Variants in DDX52 observed in about 807,000 individuals in gnomAD.
DDX52 encodes the protein probable ATP-dependent RNA helicase DDX52.
A neutral mutation model predicts 76.1 loss-of-function variants in DDX52; 59 were observed. The ratio of observed to expected loss-of-function variants is 0.78; its 90% CI spans 0.63 to 0.96. The LOEUF (loss-of-function observed/expected upper bound fraction) is 0.96, where lower values mean the gene tolerates loss of function less well. Ranked by LOEUF, DDX52 falls within the 40% of genes least tolerant of loss-of-function variation. The pLI is 0.00. For missense variants in DDX52, 707 were observed against 703.9 expected (o/e 1.00, Z -0.05); for synonymous variants, 231 against 244.1 (o/e 0.95, Z 0.50).
intron 14 of DDX52, among the ~76,000 whole-genome samples, chr17:37,616,083 C>T (rs1036947294): frequency 1.3e-5 from 2 of 152,156 alleles, no homozygotes; most frequent in African/African-American, 2.4e-5. Context: ...TCAACATAGC[C>T]ACCATCTTAT....
At position 37,618,989 on chromosome 17, in the gene DDX52, G is replaced by A. The variant is rs575113901; in HGVS notation, c.1650-605C>T. The stretch of plus-strand genomic sequence containing the variant: ...TCAACAAGCATCAGAGTTTGATTTT[G>A]ATCAATTAAGTTTTTTACCAGCTTT... On this transcript the variant is annotated intron_variant, in intron 13 of 14. Transcript: ENST00000617633. 1.1e-4 allele frequency among the ~76,000 whole-genome samples: 17 copies of A among 152,330 alleles called. No homozygotes were observed. The East Asian group carries it at 3.3e-3, about 29-fold the overall frequency.
chr17:37,618,232 T>C (rs2029895102), intron 14 of DDX52, 60 bp downstream of exon 14: 2 of 1,331,334 alleles, frequency 1.5e-6, no homozygotes. Context: ...TAAGGAAAAA[T>C]AATGCCTACT....
rs754905390 is a variant in DDX52 at position 37,633,269 on chromosome 17, C to T, written c.417+19G>A. 5.7e-6 allele frequency: 9 copies of T among 1,591,950 alleles called. No individual in the cohort carries two copies. The highest frequency in any genetic ancestry group is 1.1e-5 in the South Asian group (1 of 87,362). ...GTCAGAAAATATATATACTTTTGGC[C>T]CCAAAATATTTTTCTAACCTTTTCT... On this transcript the variant is annotated intron_variant, in intron 3 of 14. Transcript: ENST00000617633.
At chr17:37,637,109 CAT>C (rs1432945348) in intron 2 of DDX52, among the ~76,000 whole-genome samples, 2 of 152,144 alleles carry the variant, frequency 1.3e-5, no homozygotes. Context: ...GGACTACAGA[CAT>C]GTGCTACCAC....
chr17:37,621,380 G>A lies in DDX52; in HGVS notation c.1350+18C>T. On this transcript the variant is annotated intron_variant, in intron 10 of 14. Transcript: ENST00000617633. ...TCAAGTAGTTCTTCTGAGTTTCAAA[G>A]TATATATTTGACTTTACCTGTTGTT... 3.1e-6 allele frequency: 5 copies of A among 1,605,636 alleles called. No individual in the cohort carries two copies. Among genetic ancestry groups the A allele is most frequent in the Non-Finnish European group, 4.2e-6 (5 of 1,177,170 alleles).
intron 4 of DDX52, chr17:37,630,708 C>G (rs1456136860): frequency 6.8e-6 from 1 of 146,660 alleles, no homozygotes; most frequent in Admixed American, 7.0e-5. Context: ...GTGGCGAGAT[C>G]TCGGCTCACT....
At chr17:37,623,004 A>G (rs2030181588) in intron 9 of DDX52, among the ~76,000 whole-genome samples, 1 of 152,330 alleles carries the variant, frequency 6.6e-6, no homozygotes, top group African/African-American at 2.4e-5. Context: ...TGGTGGAGCT[A>G]GAACTACCCA....
chr17:37,641,992 C>T (rs1169311774), intron 2 of DDX52, 118 bp downstream of exon 2: 1 of 1,253,448 alleles, frequency 8.0e-7, no homozygotes, highest in Non-Finnish European at 1.1e-6. Flanking sequence ...CTGGAAACAA[C>T]CTGAGTGCCA....
At chr17:37,622,468 G>A (rs8075889) in intron 9 of DDX52, among the ~76,000 whole-genome samples, 8,621 of 151,764 alleles carry the variant, frequency 0.057, 778 homozygotes, top group African/African-American at 0.19. Context: ...TAACTTTTTT[G>A]TATTTTTAGT....
chr17:37,640,829 A>G (rs1162256160), intron 2 of DDX52, among the ~76,000 whole-genome samples: 1 of 151,966 alleles, frequency 6.6e-6, no homozygotes, highest in Non-Finnish European at 1.5e-5. Context: ...CTACTAAAAA[A>G]TACAAAAATT....
chr17:37,635,503 T>C (rs1001785551), intron 2 of DDX52: 5 of 424,298 alleles, frequency 1.2e-5, no homozygotes, highest in Non-Finnish European at 1.9e-5. Context: ...TCACTCAAGA[T>C]AGTTGTTTTG....
intron 9 of DDX52, among the ~76,000 whole-genome samples, chr17:37,623,537 G>T (rs2030208745): frequency 6.6e-6 from 1 of 152,172 alleles, no homozygotes; most frequent in African/African-American, 2.4e-5. Flanking sequence ...GCCTTAGACA[G>T]GTAACTGCTT....
chr17:37,634,264 A>G (rs17138593), intron 2 of DDX52, among the ~76,000 whole-genome samples: 1,707 of 152,108 alleles, frequency 0.011, 27 homozygotes, highest in African/African-American at 0.039. Context: ...AGAAATTTCA[A>G]TAAGGCAGCC....
intron 2 of DDX52, among the ~76,000 whole-genome samples, chr17:37,640,402 C>A (rs1454437983): frequency 6.6e-6 from 1 of 151,912 alleles, no homozygotes; most frequent in African/African-American, 2.4e-5. Flanking sequence ...AGGTTCCCAA[C>A]AGAGTGTATA....
At chr17:37,630,660 GAC>G (rs1207054982) in intron 4 of DDX52, 1 of 68,646 alleles carries the variant, frequency 1.5e-5, no homozygotes, top group Non-Finnish European at 3.0e-5. Flanking sequence ...TTTTTTTTTT[GAC>G]ACAGAGTCTC....
chr17:37,614,389 AT>A (rs2064401433), intron 14 of DDX52, 36 bp from the exon 15 acceptor site: 1 of 1,592,972 alleles, frequency 6.3e-7, no homozygotes, highest in Non-Finnish European at 8.6e-7. Context: ...TGAATAAAAA[AT>A]TCTACGTATA....
At chr17:37,618,094 G>A (rs773210175) in intron 14 of DDX52, among the ~76,000 whole-genome samples, 198 bp downstream of exon 14, 2 of 152,126 alleles carry the variant, frequency 1.3e-5, no homozygotes, top group Non-Finnish European at 1.5e-5. Flanking sequence ...CAGCCTGGGC[G>A]ACAGTGCAAA....
At chr17:37,633,775 G>A (rs146649163) in intron 2 of DDX52, among the ~76,000 whole-genome samples, 9 of 152,068 alleles carry the variant, frequency 5.9e-5, no homozygotes, top group Admixed American at 5.9e-4. Flanking sequence ...GAAAGTAATA[G>A]GATGTATAAA....
chr17:37,628,815 A>G, intron 5 of DDX52, 143 bp from the exon 6 acceptor site: 2 of 627,086 alleles, frequency 3.2e-6, no homozygotes, highest in East Asian at 5.8e-5. Flanking sequence ...ATTAACCTGA[A>G]ATCTCAGCAT....
Sources: allele counts gnomAD v4.1 joint callset (sites outside exome capture counted in the v4.1 genomes callset), GRCh38; gene constraint gnomAD v4.1.1; transcripts MANE v1.5; gene names NCBI Gene and HGNC (gene_info 2026-07-23, HGNC 2026-07-21).